Variants in SAMD12 observed in about 807,000 individuals in gnomAD.
The protein encoded by SAMD12 is sterile alpha motif domain-containing protein 12.
SAMD12 carries 9 observed loss-of-function variants against 15.0 expected under a neutral mutation model. The observed-to-expected ratio is 0.60, with a 90% CI of 0.36 to 1.05. The LOEUF (loss-of-function observed/expected upper bound fraction) is 1.05, where lower values mean the gene tolerates loss of function less well. Ranked by LOEUF, SAMD12 falls within the 50% of genes least tolerant of loss-of-function variation. The pLI is 0.01. For synonymous variants in SAMD12, 86 were observed against 90.1 expected (o/e 0.96, Z 0.25); for missense variants, 230 against 234.2 (o/e 0.98, Z 0.12).
chr8:118,317,161 A>T (rs1236934396), intron 4 of SAMD12, among the ~76,000 whole-genome samples: 1 of 152,142 alleles, frequency 6.6e-6, no homozygotes, highest in Non-Finnish European at 1.5e-5. Context: ...AGACACCTAG[A>T]TCTCAGATTT....
chr8:118,583,472 T>C (rs1827345944), intron 1 of SAMD12, among the ~76,000 whole-genome samples: 1 of 152,200 alleles, frequency 6.6e-6, no homozygotes, highest in Non-Finnish European at 1.5e-5. Context: ...AAGAAAAATG[T>C]GTAGCTTTGA....
intron 3 of SAMD12, among the ~76,000 whole-genome samples, chr8:118,431,048 TA>T (rs1822388735): frequency 6.6e-6 from 1 of 152,154 alleles, no homozygotes; most frequent in Admixed American, 6.5e-5. Context: ...CTTTCCTTTA[TA>T]AAAAAATTTT....
At chr8:118,374,383 G>A (rs1819269596), downstream of SAMD12, among the ~76,000 whole-genome samples, 1 of 152,026 alleles carries the variant, frequency 6.6e-6, no homozygotes, top group South Asian at 2.1e-4. Context: ...CCGTTCATCT[G>A]TTGATAGACA....
At chr8:118,573,709 A>T (rs1827079919) in intron 2 of SAMD12, among the ~76,000 whole-genome samples, 1 of 152,188 alleles carries the variant, frequency 6.6e-6, no homozygotes, top group Non-Finnish European at 1.5e-5. Flanking sequence ...ATCATCAACC[A>T]TTCAACCATT....
intron 4 of SAMD12, among the ~76,000 whole-genome samples, chr8:118,251,458 T>C (rs1327980488): frequency 6.6e-6 from 1 of 152,098 alleles, no homozygotes; most frequent in East Asian, 1.9e-4. Context: ...ACCCGAAGTT[T>C]TCCAGTCCGT....
At position 118,587,578 on chromosome 8, in the gene SAMD12, C is replaced by A. The variant is rs559330407; in HGVS notation, c.14-6685G>T. On this transcript the variant is annotated intron_variant, in intron 1 of 3. Transcript: ENST00000314727. ...TGATGGGAAACAAACAGTTCTGGAA[C>A]TGACAAAAGAGGAAAGATCTTAACA... is the stretch of plus-strand genomic sequence containing the variant. 6.6e-5 allele frequency among the ~76,000 whole-genome samples: 10 copies of A among 152,344 alleles called. No individual in the cohort carries two copies. In the South Asian group the frequency reaches 2.1e-3, roughly 32 times the overall value.
chr8:118,187,665 G>A (rs1238503508), downstream of SAMD12, among the ~76,000 whole-genome samples: 2 of 152,152 alleles, frequency 1.3e-5, no homozygotes, highest in Non-Finnish European at 2.9e-5. Flanking sequence ...CAAATGCTGA[G>A]ATGACAGGAA....
intron 2 of SAMD12, among the ~76,000 whole-genome samples, chr8:118,515,751 T>C (rs1318987809): frequency 2.0e-5 from 3 of 152,176 alleles, no homozygotes; most frequent in African/African-American, 7.2e-5. Context: ...CCTCCATCCC[T>C]TTTTACTCAC....
chr8:118,592,120 G>A (rs1357397069), intron 1 of SAMD12, among the ~76,000 whole-genome samples: 2 of 152,072 alleles, frequency 1.3e-5, no homozygotes, highest in African/African-American at 4.8e-5. Flanking sequence ...TCGGGAGTTC[G>A]AGACCAGCCT....
At chr8:118,242,500 C>G (rs1241945475) in intron 4 of SAMD12, among the ~76,000 whole-genome samples, 6 of 152,020 alleles carry the variant, frequency 3.9e-5, no homozygotes, top group African/African-American at 9.7e-5. Flanking sequence ...TAGTATATTG[C>G]TATAATTGTC....
At chr8:118,497,541 G>C (rs1330291321) in intron 2 of SAMD12, among the ~76,000 whole-genome samples, 1 of 152,028 alleles carries the variant, frequency 6.6e-6, no homozygotes, top group Non-Finnish European at 1.5e-5. Flanking sequence ...ACAAAGATTG[G>C]AATAATAGAC....
At chr8:118,205,437 C>G (rs1407792142) in intron 4 of SAMD12, among the ~76,000 whole-genome samples, 1 of 152,186 alleles carries the variant, frequency 6.6e-6, no homozygotes, top group Admixed American at 6.5e-5. Context: ...TTGCAGCAAC[C>G]AAAGTAGGTA....
At chr8:118,151,082 C>T in the SAMD12 span, among the ~76,000 whole-genome samples, 1 of 151,822 alleles carries the variant, frequency 6.6e-6, no homozygotes, top group Non-Finnish European at 1.5e-5. Context: ...TTTTTTCTTA[C>T]AGTATCTTAA....
rs140392453 is a variant in SAMD12, at chr8:118,272,129, C to A, written c.434-74397G>T. 3.2e-3 allele frequency among the ~76,000 whole-genome samples: 486 copies of A among 152,362 alleles called. 6 individuals are homozygous for A. The highest frequency in any genetic ancestry group is 0.01 in the African/African-American group (425 of 41,590). ...CCCGTGGAGCAAACTTCTGCCAGGA[C>A]ATCCAGGCATTTCCATACATCCTCT... On this transcript the variant is annotated intron_variant, in intron 4 of 4. Transcript: ENST00000409003.
At chr8:118,587,124 C>G (rs189990140) in intron 1 of SAMD12, among the ~76,000 whole-genome samples, 1 of 152,276 alleles carries the variant, frequency 6.6e-6, no homozygotes, top group East Asian at 1.9e-4. Flanking sequence ...ACCTTAAAAA[C>G]AAATATACTC....
chr8:118,455,658 G>A (rs563859282), intron 2 of SAMD12, among the ~76,000 whole-genome samples: 2 of 151,988 alleles, frequency 1.3e-5, no homozygotes, highest in South Asian at 2.1e-4. Flanking sequence ...CTGCCTACTC[G>A]ATATCCCACT....
At chr8:118,582,098 T>TAA (rs1290967653) in intron 1 of SAMD12, among the ~76,000 whole-genome samples, 1 of 152,126 alleles carries the variant, frequency 6.6e-6, no homozygotes, top group East Asian at 1.9e-4. Context: ...ATGAGTACTT[T>TAA]AGACCTGAGG....
intron 4 of SAMD12, among the ~76,000 whole-genome samples, chr8:118,317,844 A>G (rs1184271024): frequency 2.0e-5 from 3 of 152,192 alleles, no homozygotes; most frequent in Non-Finnish European, 4.4e-5. Context: ...CTTGCATTAA[A>G]TCAGTAAGAA....
chr8:118,301,251 G>A (rs954426852), intron 4 of SAMD12, among the ~76,000 whole-genome samples: 18 of 152,094 alleles, frequency 1.2e-4, no homozygotes, highest in African/African-American at 4.3e-4. Context: ...GTCAACATGG[G>A]GACCTATAAC....
Sources: allele counts gnomAD v4.1 joint callset (sites outside exome capture counted in the v4.1 genomes callset), GRCh38; gene constraint gnomAD v4.1.1; transcripts MANE v1.5; gene names NCBI Gene and HGNC (gene_info 2026-07-23, HGNC 2026-07-21).